Variants in MARCHF1 observed in about 807,000 individuals in gnomAD.
MARCHF1 encodes membrane associated ring-CH-type finger 1, also known as E3 ubiquitin-protein ligase MARCHF1.
In MARCHF1, 40 loss-of-function variants were observed where a neutral mutation model predicts 54.2. That is an observed-to-expected ratio of 0.74 (90% CI 0.57 to 0.96). The LOEUF (loss-of-function observed/expected upper bound fraction) is 0.96, where lower values mean the gene tolerates loss of function less well. Ranked by LOEUF, MARCHF1 falls within the 40% of genes least tolerant of loss-of-function variation. The pLI, the probability that MARCHF1 is intolerant of heterozygous loss-of-function variation, is 0.00. For missense variants in MARCHF1, 586 were observed against 656.5 expected (o/e 0.89, Z 1.17); for synonymous variants, 236 against 236.3 (o/e 1.00, Z 0.01).
chr4:163,728,203 A>T (rs527372327), intron 4 of MARCHF1, among the ~76,000 whole-genome samples: 2 of 152,142 alleles, frequency 1.3e-5, no homozygotes, highest in South Asian at 4.1e-4. Flanking sequence ...TTGTGCCACA[A>T]TTTTTATCAC....
chr4:163,890,852 T>C (rs1363995301), intron 3 of MARCHF1, among the ~76,000 whole-genome samples: 1 of 152,062 alleles, frequency 6.6e-6, no homozygotes, highest in East Asian at 1.9e-4. Flanking sequence ...TGGTACAAGT[T>C]AGCTTCAGGG....
chr4:164,153,502 GAATAT>G (rs1018932223), intron 1 of MARCHF1, among the ~76,000 whole-genome samples: 9 of 151,898 alleles, frequency 5.9e-5, no homozygotes, highest in Non-Finnish European at 8.8e-5. Flanking sequence ...ACCTGTATAA[GAATAT>G]AATAATAATT....
chr4:163,550,181 C>T (rs1739054220), intron 8 of MARCHF1, among the ~76,000 whole-genome samples: 1 of 150,152 alleles, frequency 6.7e-6, no homozygotes, highest in Non-Finnish European at 1.5e-5. Context: ...ACTCGGAAGG[C>T]TGAGGCAAGA....
At chr4:164,136,738 C>G (rs1416159772) in intron 1 of MARCHF1, among the ~76,000 whole-genome samples, 1 of 152,132 alleles carries the variant, frequency 6.6e-6, no homozygotes, top group Non-Finnish European at 1.5e-5. Context: ...ATGAACACAC[C>G]TGGAATGTGA....
intron 4 of MARCHF1, among the ~76,000 whole-genome samples, chr4:163,771,712 T>C (rs1579274291): frequency 6.6e-6 from 1 of 152,308 alleles, no homozygotes; most frequent in African/African-American, 2.4e-5. Context: ...ATGCAAGAGC[T>C]TATTAAAAAT....
intron 2 of MARCHF1, among the ~76,000 whole-genome samples, chr4:164,018,655 T>A (rs1212262145): frequency 3.9e-5 from 6 of 152,132 alleles, no homozygotes; most frequent in Admixed American, 3.9e-4. Flanking sequence ...GTAAAACATA[T>A]TTTAAAAAGT....
intron 2 of MARCHF1, among the ~76,000 whole-genome samples, chr4:164,001,063 A>G (rs1053204136): frequency 6.6e-6 from 1 of 151,796 alleles, no homozygotes; most frequent in African/African-American, 2.4e-5. Flanking sequence ...TTATTATATA[A>G]AGCTTTCTGC....
intron 8 of MARCHF1, among the ~76,000 whole-genome samples, chr4:163,563,299 A>G (rs1176192598): frequency 6.6e-6 from 1 of 152,216 alleles, no homozygotes; most frequent in Non-Finnish European, 1.5e-5. Flanking sequence ...TTTAGATAAG[A>G]AAGGGGTGGC....
intron 4 of MARCHF1, among the ~76,000 whole-genome samples, chr4:163,785,679 T>C (rs1747598047): frequency 6.6e-6 from 1 of 151,968 alleles, no homozygotes; most frequent in Non-Finnish European, 1.5e-5. Context: ...GCTAATATAT[T>C]CCCATAGTAC....
At chr4:163,727,045 CT>C (rs1396954486) in intron 4 of MARCHF1, among the ~76,000 whole-genome samples, 1 of 152,084 alleles carries the variant, frequency 6.6e-6, no homozygotes, top group African/African-American at 2.4e-5. Context: ...TTGGCAGTGC[CT>C]TTTGCAGCGA....
chr4:163,825,469 T>C (rs1748822179), intron 4 of MARCHF1, among the ~76,000 whole-genome samples: 2 of 152,046 alleles, frequency 1.3e-5, no homozygotes, highest in Admixed American at 6.6e-5. Context: ...AGTAATGAGA[T>C]TGTTGGGTCA....
intron 1 of MARCHF1, among the ~76,000 whole-genome samples, chr4:164,224,559 A>T (rs1271618727): frequency 1.3e-5 from 2 of 151,998 alleles, no homozygotes; most frequent in African/African-American, 4.8e-5. Flanking sequence ...TGTCCTAATA[A>T]TCTATTCTAA....
chr4:163,632,942 G>A (rs982567691), intron 5 of MARCHF1, among the ~76,000 whole-genome samples: 1 of 152,002 alleles, frequency 6.6e-6, no homozygotes, highest in Non-Finnish European at 1.5e-5. Context: ...CCTGACCCCT[G>A]ACCCCTGAGC....
chr4:163,535,142 G>A (rs534986046), intron 9 of MARCHF1, among the ~76,000 whole-genome samples: 4 of 151,846 alleles, frequency 2.6e-5, no homozygotes, highest in African/African-American at 9.7e-5. Context: ...CGAAACATAC[G>A]TTCCACACTT....
chr4:164,142,741 T>C (rs1028966228), intron 1 of MARCHF1, among the ~76,000 whole-genome samples: 5 of 152,038 alleles, frequency 3.3e-5, no homozygotes, highest in African/African-American at 1.2e-4. Flanking sequence ...GCAGAAAAAC[T>C]GGAAACTCTA....
intron 2 of MARCHF1, among the ~76,000 whole-genome samples, chr4:164,083,071 G>T (rs186231399): frequency 1.9e-4 from 29 of 152,240 alleles, no homozygotes; most frequent in Non-Finnish European, 3.7e-4. Flanking sequence ...GTCTACCCAT[G>T]TACCACTCTT....
rs78800046 is a variant in MARCHF1, at chr4:164,110,872, A to G, written c.-248+716T>C. ...GGAGGGGAAAATCCATTTGCTTTAT[A>G]TTGCGTTTCAGAAACTGACATAGCA... On this transcript the variant is annotated intron_variant, in intron 2 of 9. Coordinates refer to ENST00000514618, the MANE Select transcript of MARCHF1 (RefSeq NM_001394959.1). Among the ~76,000 whole-genome samples, 615 of 151,876 alleles carry G rather than the reference A, an allele frequency of 4.0e-3. 5 individuals are homozygous for G. The highest frequency in any genetic ancestry group is 0.014 in the African/African-American group (593 of 41,532).
chr4:163,624,064 T>A (rs932071509), intron 5 of MARCHF1, among the ~76,000 whole-genome samples: 1 of 152,032 alleles, frequency 6.6e-6, no homozygotes, highest in African/African-American at 2.4e-5. Context: ...GAGGTGCAAG[T>A]GGGTGGGGAA....
chr4:163,734,024 A>G (rs1745959378), intron 4 of MARCHF1, among the ~76,000 whole-genome samples: 1 of 152,232 alleles, frequency 6.6e-6, no homozygotes, highest in South Asian at 2.1e-4. Flanking sequence ...CCAAGAAGAC[A>G]TACAGATGTC....
Sources: allele counts gnomAD v4.1 joint callset (sites outside exome capture counted in the v4.1 genomes callset), GRCh38; gene constraint gnomAD v4.1.1; transcripts MANE v1.5; gene names NCBI Gene and HGNC (gene_info 2026-07-23, HGNC 2026-07-21).